DLG2: variants seen among roughly 807,000 people sequenced by gnomAD.
DLG2 encodes discs large MAGUK scaffold protein 2.
Under a neutral mutation model 132.5 loss-of-function variants are expected in DLG2, and 45 were observed. The observed-to-expected ratio is 0.34, with a 90% CI of 0.27 to 0.44. The LOEUF (loss-of-function observed/expected upper bound fraction) is 0.44. Ranked by LOEUF, DLG2 falls within the 20% of genes least tolerant of loss-of-function variation. DLG2 has a pLI of 1.00. For synonymous variants in DLG2, 424 were observed against 419.6 expected (o/e 1.01, Z -0.13); for missense variants, 1,045 against 1,196.9 (o/e 0.87, Z 1.87).
intron 7 of DLG2, among the ~76,000 whole-genome samples, chr11:84,467,016 C>A (rs1356604433): frequency 2.0e-5 from 3 of 151,134 alleles, no homozygotes; most frequent in Non-Finnish European, 4.4e-5. Flanking sequence ...AATTTCCTAT[C>A]TTTGCTCACT....
rs1323560693 is a variant in DLG2 at position 84,024,847 on chromosome 11, G to T, written c.919+34468C>A. Among the ~76,000 whole-genome samples the T allele has an allele frequency of 2.7e-5, 4 of 150,618 alleles. 1 individual carries two copies. Among genetic ancestry groups the T allele is most frequent in the Middle Eastern group, 6.9e-3 (2 of 290 alleles). ...TTTTTTGGGTTCTATTGCCAAACCC[G>T]GTGAATATAGTTAATAATAGACTAT... On this transcript the variant is annotated intron_variant, in intron 11 of 27. Coordinates refer to ENST00000376104, the MANE Select transcript of DLG2 (RefSeq NM_001142699.3).
intron 3 of DLG2, among the ~76,000 whole-genome samples, chr11:85,475,850 A>G (rs1212661045): frequency 6.6e-6 from 1 of 152,134 alleles, no homozygotes; most frequent in Admixed American, 6.5e-5. Flanking sequence ...ACTGATTTCA[A>G]CATCCATGCT....
intron 7 of DLG2, among the ~76,000 whole-genome samples, chr11:84,414,164 T>A (rs373931565): frequency 6.6e-6 from 1 of 152,220 alleles, no homozygotes; most frequent in African/African-American, 2.4e-5. Context: ...AACACAAGAA[T>A]AACAATATTA....
intron 7 of DLG2, among the ~76,000 whole-genome samples, chr11:84,501,061 G>T: frequency 6.6e-6 from 1 of 152,048 alleles, no homozygotes; most frequent in South Asian, 2.1e-4. Flanking sequence ...AGTTTCCTTT[G>T]TTGTTTGACT....
At chr11:84,626,470 G>C (rs2099622670) in intron 6 of DLG2, among the ~76,000 whole-genome samples, 1 of 152,190 alleles carries the variant, frequency 6.6e-6, no homozygotes, top group African/African-American at 2.4e-5. Flanking sequence ...AAGCATGTGG[G>C]ACTTAGGGAG....
intron 6 of DLG2, among the ~76,000 whole-genome samples, chr11:84,597,766 A>C (rs2099566717): frequency 6.6e-6 from 1 of 152,208 alleles, no homozygotes; most frequent in African/African-American, 2.4e-5. Flanking sequence ...AGCATCAGTA[A>C]AAGTAGGACA....
intron 19 of DLG2, among the ~76,000 whole-genome samples, chr11:83,557,452 A>G (rs1405357897): frequency 3.9e-5 from 6 of 152,152 alleles, no homozygotes; most frequent in Non-Finnish European, 8.8e-5. Flanking sequence ...TTGAGATCTC[A>G]TCTGTCTTTA....
intron 8 of DLG2, among the ~76,000 whole-genome samples, chr11:84,183,434 C>G (rs2096195267): frequency 6.6e-6 from 1 of 151,992 alleles, no homozygotes; most frequent in South Asian, 2.1e-4. Context: ...ACCCTTTGTA[C>G]TTTCCATTTA....
At chr11:85,406,487 C>T (rs2055816) in intron 3 of DLG2, among the ~76,000 whole-genome samples, 124,182 of 151,264 alleles carry the variant, frequency 0.82, 51,266 homozygotes, top group Middle Eastern at 0.89. Flanking sequence ...TCTGTTAAAT[C>T]TAAGCAGCTG....
chr11:85,050,828 T>A (rs955041607), intron 6 of DLG2, among the ~76,000 whole-genome samples: 1 of 152,322 alleles, frequency 6.6e-6, no homozygotes, highest in South Asian at 2.1e-4. Flanking sequence ...AACCTACTCA[T>A]GCTTTTTTAA....
intron 11 of DLG2, among the ~76,000 whole-genome samples, chr11:83,997,562 CT>C (rs2094110085): frequency 6.6e-6 from 1 of 151,078 alleles, no homozygotes. Context: ...AATCCCATCT[CT>C]ACTAAAAATA....
At chr11:85,021,703 C>A (rs1054111876) in intron 6 of DLG2, 413 of 874,914 alleles carry the variant, frequency 4.7e-4, no homozygotes, top group Middle Eastern at 7.0e-4. Context: ...GGCTGAAGAT[C>A]AAAAAAAATC....
chr11:83,864,781 A>T (rs1008316289), intron 16 of DLG2, among the ~76,000 whole-genome samples: 2 of 151,940 alleles, frequency 1.3e-5, no homozygotes, highest in Non-Finnish European at 2.9e-5. Context: ...TCCTGATGGA[A>T]TTTAAGAGTC....
chr11:85,448,200 C>T (rs2092093353), intron 3 of DLG2, among the ~76,000 whole-genome samples: 1 of 151,972 alleles, frequency 6.6e-6, no homozygotes, highest in African/African-American at 2.4e-5. Context: ...ATCTAAAAAG[C>T]CCTATCAGAA....
At chr11:84,099,778 G>A (rs983592268) in intron 9 of DLG2, among the ~76,000 whole-genome samples, 1 of 140,314 alleles carries the variant, frequency 7.1e-6, no homozygotes, top group Non-Finnish European at 1.5e-5. Context: ...TACATACATC[G>A]CTTTCTAAAG....
At chr11:85,489,509 G>A (rs1043830127) in intron 3 of DLG2, among the ~76,000 whole-genome samples, 1 of 151,930 alleles carries the variant, frequency 6.6e-6, no homozygotes, top group African/African-American at 2.4e-5. Flanking sequence ...CATCGAGACC[G>A]AAAATCAACA....
At chr11:84,964,085 T>A (rs974149374) in intron 6 of DLG2, among the ~76,000 whole-genome samples, 6 of 152,056 alleles carry the variant, frequency 3.9e-5, no homozygotes, top group Non-Finnish European at 7.4e-5. Flanking sequence ...GCTATAAAAA[T>A]AAGAAAAAAC....
chr11:85,435,693 T>A (rs1415210062), intron 3 of DLG2, among the ~76,000 whole-genome samples: 3 of 152,172 alleles, frequency 2.0e-5, no homozygotes, highest in African/African-American at 4.8e-5. Flanking sequence ...CATTCCATGC[T>A]CATGGATAGG....
chr11:83,849,260 C>T (rs2059213514), intron 16 of DLG2, among the ~76,000 whole-genome samples: 1 of 139,468 alleles, frequency 7.2e-6, no homozygotes, highest in African/African-American at 3.2e-5. Context: ...ATAATAAATG[C>T]AAATTCCTGG....
Sources: gnomAD v4.1 joint callset for allele counts (sites outside exome capture counted in the v4.1 genomes callset) on GRCh38, gnomAD v4.1.1 for gene constraint, MANE v1.5 for transcripts, NCBI Gene and HGNC (gene_info 2026-07-23, HGNC 2026-07-21) for gene names.